The following PLCB1 variants were observed in gnomAD, a reference collection of about 807,000 sequenced individuals.
PLCB1 encodes phospholipase C beta 1.
Under a neutral mutation model 161.8 loss-of-function variants are expected in PLCB1, and 46 were observed. The ratio of observed to expected loss-of-function variants is 0.28; its 90% CI spans 0.22 to 0.36. The LOEUF (loss-of-function observed/expected upper bound fraction) is 0.36, where lower values mean the gene tolerates loss of function less well. Ranked by LOEUF, PLCB1 falls within the 10% of genes least tolerant of loss-of-function variation. The pLI is 1.00. For synonymous variants in PLCB1, 517 were observed against 503.7 expected (o/e 1.03, Z -0.35); for missense variants, 1,016 against 1,472.5 (o/e 0.69, Z 5.07).
At chr20:8,346,295 A>C (rs1985998954) in intron 2 of PLCB1, among the ~76,000 whole-genome samples, 1 of 152,158 alleles carries the variant, frequency 6.6e-6, no homozygotes, top group Non-Finnish European at 1.5e-5. Flanking sequence ...TCATGATGAA[A>C]GGCCTACATG....
chr20:8,311,440 T>C (rs1274099020), intron 2 of PLCB1, among the ~76,000 whole-genome samples: 1 of 152,162 alleles, frequency 6.6e-6, no homozygotes, highest in Non-Finnish European at 1.5e-5. Flanking sequence ...TCATTTATAG[T>C]TTTATGTGGT....
intron 31 of PLCB1, among the ~76,000 whole-genome samples, chr20:8,808,822 G>A (rs7269009): frequency 3.3e-5 from 5 of 152,104 alleles, no homozygotes; most frequent in African/African-American, 1.2e-4. Context: ...TACTATCTAA[G>A]CTCATAAGAG....
chr20:8,811,617 C>T (rs2146252909), intron 31 of PLCB1, among the ~76,000 whole-genome samples: 1 of 152,272 alleles, frequency 6.6e-6, no homozygotes, highest in Non-Finnish European at 1.5e-5. Context: ...GAGTATACAG[C>T]ATATATTATT....
At chr20:8,756,948 A>T (rs1163965507) in intron 23 of PLCB1, 98 bp from the exon 24 acceptor site, 3 of 1,139,064 alleles carry the variant, frequency 2.6e-6, no homozygotes, top group East Asian at 5.0e-5. Context: ...ACTCCAAAAG[A>T]ATTGTGAAGA....
intron 2 of PLCB1, among the ~76,000 whole-genome samples, chr20:8,296,724 C>T (rs1045127386): frequency 6.6e-6 from 1 of 152,092 alleles, no homozygotes; most frequent in Admixed American, 6.6e-5. Context: ...ATCCCCCTGT[C>T]CCACCAGCAC....
At chr20:8,653,700 T>C (rs1243263908) in intron 7 of PLCB1, among the ~76,000 whole-genome samples, 1 of 152,066 alleles carries the variant, frequency 6.6e-6, no homozygotes, top group Non-Finnish European at 1.5e-5. Flanking sequence ...CATATAATTA[T>C]TTTTTAAATC....
At chr20:8,167,424 T>C (rs907794528) in intron 2 of PLCB1, among the ~76,000 whole-genome samples, 5 of 152,256 alleles carry the variant, frequency 3.3e-5, no homozygotes, top group African/African-American at 1.2e-4. Flanking sequence ...TTTGTTTTTC[T>C]TCATTAGAAT....
intron 31 of PLCB1, among the ~76,000 whole-genome samples, chr20:8,880,106 G>GA (rs145833873): frequency 0.013 from 1,992 of 152,176 alleles, 49 homozygotes; most frequent in African/African-American, 0.046. Context: ...AAAGCAGGGG[G>GA]AAAAATACAG....
At chr20:8,207,183 A>T (rs1432383496) in intron 2 of PLCB1, among the ~76,000 whole-genome samples, 3 of 152,194 alleles carry the variant, frequency 2.0e-5, no homozygotes, top group Non-Finnish European at 4.4e-5. Flanking sequence ...AAACAAAAAA[A>T]ATTCTGCCAT....
At chr20:8,446,848 A>G (rs927852742) in intron 3 of PLCB1, among the ~76,000 whole-genome samples, 4 of 151,574 alleles carry the variant, frequency 2.6e-5, no homozygotes, top group African/African-American at 9.8e-5. Flanking sequence ...TTTCTGATAA[A>G]TTGTTCTTAT....
chr20:8,535,576 T>C (rs1237685052), intron 3 of PLCB1, among the ~76,000 whole-genome samples: 1 of 152,150 alleles, frequency 6.6e-6, no homozygotes, highest in Non-Finnish European at 1.5e-5. Flanking sequence ...GTAGTTGCTC[T>C]CAATTTTGCC....
At chr20:8,616,812 A>G (rs547833472) in intron 3 of PLCB1, among the ~76,000 whole-genome samples, 1 of 152,316 alleles carries the variant, frequency 6.6e-6, no homozygotes, top group African/African-American at 2.4e-5. Context: ...CTTTATAGTG[A>G]AATATCCTAA....
In PLCB1 at chr20:8,790,387, A is replaced by G. The variant is rs546205074; in HGVS notation, c.3423+126A>G. 5.0e-5 allele frequency: 32 copies of G among 635,380 alleles called. No homozygotes were observed. The African/African-American group carries it at 5.4e-4, about 11-fold the overall frequency. 39.4% of individuals were successfully genotyped at this position (635,380 alleles called of 1,614,324 possible). Reference sequence around the variant, plus strand: ...AGATCAGTTCTTGCATATGAAACTCATGTATCTTTCTCAATGAAGGAAAAA... The same window carrying G: ...AGATCAGTTCTTGCATATGAAACTCGTGTATCTTTCTCAATGAAGGAAAAA... On this transcript the variant is annotated intron_variant, in intron 31 of 31. Coordinates refer to ENST00000338037, the MANE Select transcript of PLCB1 (RefSeq NM_015192.4).
At chr20:8,513,700 C>A (rs6055870) in intron 3 of PLCB1, among the ~76,000 whole-genome samples, 2 of 152,076 alleles carry the variant, frequency 1.3e-5, no homozygotes, top group East Asian at 3.9e-4. Flanking sequence ...AATGATAAAA[C>A]GCTACCAGAA....
chr20:8,293,963 A>G (rs562145044), intron 2 of PLCB1, among the ~76,000 whole-genome samples: 43 of 152,142 alleles, frequency 2.8e-4, no homozygotes, highest in Non-Finnish European at 8.8e-5. Flanking sequence ...TAGAAGATCT[A>G]TTTGAGTTGC....
chr20:8,555,954 C>T (rs1008375843), intron 3 of PLCB1, among the ~76,000 whole-genome samples: 2 of 149,638 alleles, frequency 1.3e-5, no homozygotes, highest in South Asian at 2.1e-4. Context: ...TGACAAATTA[C>T]ATGAAAGAGA....
intron 3 of PLCB1, among the ~76,000 whole-genome samples, chr20:8,621,641 A>G (rs1436561855): frequency 6.6e-6 from 1 of 152,230 alleles, no homozygotes; most frequent in Admixed American, 6.5e-5. Context: ...ATCGCTAAAC[A>G]AGGTAACTTG....
chr20:8,633,244 C>T (rs1292261635), intron 4 of PLCB1, among the ~76,000 whole-genome samples: 1 of 151,610 alleles, frequency 6.6e-6, no homozygotes, highest in Non-Finnish European at 1.5e-5. Context: ...AAAGTTCTGG[C>T]CCAAGAGGAA....
chr20:8,726,541 G>T (rs1358746320), intron 16 of PLCB1, among the ~76,000 whole-genome samples: 1 of 152,104 alleles, frequency 6.6e-6, no homozygotes, highest in East Asian at 1.9e-4. Context: ...TCACAGGGCA[G>T]CAGGAGAGAG....
Sources: allele counts gnomAD v4.1 joint callset (sites outside exome capture counted in the v4.1 genomes callset), GRCh38; gene constraint gnomAD v4.1.1; transcripts MANE v1.5; gene names NCBI Gene and HGNC (gene_info 2026-07-23, HGNC 2026-07-21).